The following PTPRE variants were observed in gnomAD, a reference collection of about 807,000 sequenced individuals.
PTPRE encodes protein tyrosine phosphatase receptor type E, also known as receptor-type tyrosine-protein phosphatase epsilon.
PTPRE carries 51 observed loss-of-function variants against 102.0 expected under a neutral mutation model. That is an observed-to-expected ratio of 0.50 (90% CI 0.40 to 0.63). The LOEUF (loss-of-function observed/expected upper bound fraction) is 0.63, where lower values mean the gene tolerates loss of function less well. Ranked by LOEUF, PTPRE falls within the 30% of genes least tolerant of loss-of-function variation. PTPRE has a pLI of 0.00. For missense variants in PTPRE, 752 were observed against 915.1 expected, an observed-to-expected ratio of 0.82 and a Z score of 2.30; for synonymous variants, 345 against 348.2, an observed-to-expected ratio of 0.99 and a Z score of 0.10.
chr10:127,989,875 T>G (rs909630382), intron 2 of PTPRE, among the ~76,000 whole-genome samples: 4 of 152,210 alleles, frequency 2.6e-5, no homozygotes, highest in African/African-American at 9.7e-5. Flanking sequence ...TTCTAATCTC[T>G]TTTCACACAC....
At chr10:127,957,391 G>C (rs775831640) in intron 1 of PTPRE, among the ~76,000 whole-genome samples, 4 of 152,162 alleles carry the variant, frequency 2.6e-5, no homozygotes, top group African/African-American at 7.2e-5. Flanking sequence ...CCATATTTAT[G>C]TGGGTCTATT....
intron 2 of PTPRE, among the ~76,000 whole-genome samples, chr10:127,988,309 T>C (rs940738027): frequency 1.8e-4 from 27 of 148,374 alleles, no homozygotes; most frequent in Admixed American, 9.3e-4. Context: ...CTTTTCTTTT[T>C]TTTTTTTTTT....
chr10:128,044,763 T>C (rs1160224747), intron 3 of PTPRE, among the ~76,000 whole-genome samples: 2 of 152,190 alleles, frequency 1.3e-5, no homozygotes, highest in Non-Finnish European at 2.9e-5. Context: ...GACAGGAATT[T>C]CTTCTCAGAT....
rs770103719 is a variant in PTPRE, at chr10:128,056,115, T to C, written c.421-8T>C. 1.3e-6 allele frequency: 2 copies of C among 1,594,964 alleles called. No individual in the cohort carries two copies. The highest frequency in any genetic ancestry group is 1.7e-6 in the Non-Finnish European group (2 of 1,162,932). Reference sequence around the variant, plus strand: ...CACATTTCATACTAATGCTACATTTTCTTCCAGTCATTGCCATCTGGACAC... The same window carrying C: ...CACATTTCATACTAATGCTACATTTCCTTCCAGTCATTGCCATCTGGACAC... On this transcript the variant is annotated splice_region_variant and splice_polypyrimidine_tract_variant and intron_variant, in intron 6 of 20. Coordinates refer to ENST00000254667, the MANE Select transcript of PTPRE (RefSeq NM_006504.6).
At chr10:127,963,694 A>G (rs1850011255) in intron 1 of PTPRE, among the ~76,000 whole-genome samples, 1 of 151,884 alleles carries the variant, frequency 6.6e-6, no homozygotes, top group South Asian at 2.1e-4. Flanking sequence ...GTGTGCATGC[A>G]TGCGTGCGTG....
chr10:127,962,789 C>T (rs1005186723), intron 1 of PTPRE, among the ~76,000 whole-genome samples: 5 of 152,202 alleles, frequency 3.3e-5, no homozygotes, highest in African/African-American at 4.8e-5. Context: ...GGGGATGCAG[C>T]GGAACAGCCT....
At chr10:128,006,975 C>A (rs564891961) in intron 2 of PTPRE, among the ~76,000 whole-genome samples, 1 of 152,334 alleles carries the variant, frequency 6.6e-6, no homozygotes, top group South Asian at 2.1e-4. Flanking sequence ...CAGGTCAACT[C>A]TTATTTGACC....
At chr10:128,025,668 C>T (rs1846239342) in intron 2 of PTPRE, among the ~76,000 whole-genome samples, 1 of 152,160 alleles carries the variant, frequency 6.6e-6, no homozygotes, top group South Asian at 2.1e-4. Flanking sequence ...ACTCCCCAAA[C>T]CCTGGGGCCT....
At chr10:127,993,490 G>A (rs1367910641) in intron 2 of PTPRE, among the ~76,000 whole-genome samples, 5 of 152,148 alleles carry the variant, frequency 3.3e-5, no homozygotes, top group Admixed American at 1.3e-4. Flanking sequence ...CCTGGAGGGG[G>A]CGAGGGAGCC....
chr10:127,937,402 A>T (rs1436979900), intron 1 of PTPRE, among the ~76,000 whole-genome samples: 1 of 152,116 alleles, frequency 6.6e-6, no homozygotes, highest in African/African-American at 2.4e-5. Flanking sequence ...TGACAATATG[A>T]ATCCTGAATT....
At chr10:127,996,854 G>A (rs1853319122) in intron 2 of PTPRE, among the ~76,000 whole-genome samples, 1 of 152,172 alleles carries the variant, frequency 6.6e-6, no homozygotes, top group African/African-American at 2.4e-5. Flanking sequence ...CATTGTGGCA[G>A]CCTGAGTTTT....
chr10:128,073,459 G>C lies in PTPRE; in HGVS notation c.1587G>C (p.Gln529His), dbSNP rs771992564. ...SHTIVMLTEV[Q>H]EREQDKCYQY... ...CTATCGTGATGCTGACGGAGGTGCA[G>C]GAGAGAGAGCAGGTGAGGAGTGCCG... is the stretch of plus-strand genomic sequence containing the variant. Residue 529 changes from glutamine to histidine, a missense_variant, in exon 17 of 21, where the codon CAG (glutamine) becomes CAC (histidine). Transcript: ENST00000254667. 214 of 1,613,826 alleles carry C rather than the reference G, an allele frequency of 1.3e-4. No individual in the cohort carries two copies. Among genetic ancestry groups the C allele is most frequent in the Non-Finnish European group, 1.8e-4 (207 of 1,179,944 alleles).
intron 2 of PTPRE, among the ~76,000 whole-genome samples, chr10:127,993,643 A>C (rs554253178): frequency 6.6e-6 from 1 of 152,300 alleles, no homozygotes; most frequent in East Asian, 1.9e-4. Flanking sequence ...TGCATTCTTC[A>C]CAGAGCCTGG....
chr10:128,008,797 A>G lies in PTPRE; in HGVS notation c.-8+26501A>G, dbSNP rs1844733734. Among the ~76,000 whole-genome samples, 2 of 152,218 alleles carry G rather than the reference A, an allele frequency of 1.3e-5. No individual in the cohort carries two copies. Among genetic ancestry groups the G allele is most frequent in the African/African-American group, 4.8e-5 (2 of 41,464 alleles). ...AATGCACCAAAGCCTCCAGGCATCC[A>G]GCCTGTGTCCTCATCCTGCCAGGGC... is the stretch of plus-strand genomic sequence containing the variant. On this transcript the variant is annotated intron_variant, in intron 2 of 20. Coordinates refer to ENST00000254667, the MANE Select transcript of PTPRE (RefSeq NM_006504.6). This position sits in a 1 kb window ranked among gnomAD's most constrained non-coding sequence, Gnocchi z 4.0.
intron 1 of PTPRE, among the ~76,000 whole-genome samples, chr10:127,973,161 G>A (rs1187885156): frequency 2.6e-5 from 4 of 152,198 alleles, no homozygotes. Flanking sequence ...GAATACTGCA[G>A]TGTTCTTTTA....
chr10:127,917,796 A>G (rs896919197), intron 1 of PTPRE, among the ~76,000 whole-genome samples: 1 of 152,134 alleles, frequency 6.6e-6, no homozygotes, highest in Non-Finnish European at 1.5e-5. Flanking sequence ...TTGTGAGGCC[A>G]AGGTAGGTGG....
chr10:128,006,013 C>G (rs1854505164), intron 2 of PTPRE, among the ~76,000 whole-genome samples: 1 of 152,130 alleles, frequency 6.6e-6, no homozygotes, highest in Non-Finnish European at 1.5e-5. Context: ...ATAAAGACAC[C>G]AGTCATTGGA....
chr10:128,068,560 G>A (rs971292244), intron 12 of PTPRE: 13 of 285,354 alleles, frequency 4.6e-5, no homozygotes, highest in South Asian at 1.2e-4. Flanking sequence ...CTGCTTGGCC[G>A]CCCTCACCTC....
chr10:127,933,714 A>G (rs935911783), intron 1 of PTPRE, among the ~76,000 whole-genome samples: 2 of 152,176 alleles, frequency 1.3e-5, no homozygotes, highest in African/African-American at 4.8e-5. Context: ...CTAAACATAC[A>G]TCATTATTTT....
Sources: gnomAD v4.1 joint callset for allele counts (sites outside exome capture counted in the v4.1 genomes callset) on GRCh38, gnomAD v4.1.1 for gene constraint, Gnocchi (gnomAD v3.1) non-coding constraint, MANE v1.5 for transcripts, NCBI Gene and HGNC (gene_info 2026-07-23, HGNC 2026-07-21) for gene names.